The following VPS37A variants were observed in gnomAD, a reference collection of about 807,000 sequenced individuals.
The protein encoded by VPS37A is VPS37A subunit of ESCRT-I.
In VPS37A, 30 loss-of-function variants were observed where a neutral mutation model predicts 49.8. The ratio of observed to expected loss-of-function variants is 0.60; its 90% CI spans 0.45 to 0.82. VPS37A has a LOEUF of 0.82. Ranked by LOEUF, VPS37A falls within the 40% of genes least tolerant of loss-of-function variation. The pLI is 0.00. For missense variants in VPS37A, 593 were observed against 464.4 expected (o/e 1.28, Z -2.55); for synonymous variants, 195 against 160.6 (o/e 1.21, Z -1.62).
chr8:17,318,966 C>A, the VPS37A span, among the ~76,000 whole-genome samples: 1 of 152,236 alleles, frequency 6.6e-6, no homozygotes, highest in Admixed American at 6.5e-5. Flanking sequence ...CTTCCCTGAT[C>A]GAACTCACCG....
At chr8:17,279,098 C>G (rs190024162) in intron 6 of VPS37A, among the ~76,000 whole-genome samples, 1 of 152,186 alleles carries the variant, frequency 6.6e-6, no homozygotes, top group African/African-American at 2.4e-5. Context: ...ATATCTATAA[C>G]TCTTACTGTG....
At chr8:17,289,210 A>G (rs1459148304) in intron 11 of VPS37A, among the ~76,000 whole-genome samples, 1 of 152,126 alleles carries the variant, frequency 6.6e-6, no homozygotes, top group Non-Finnish European at 1.5e-5. Context: ...TAGTTTTATT[A>G]GATCTCATTT....
chr8:17,284,989 C>G (rs1046414727), intron 10 of VPS37A, among the ~76,000 whole-genome samples: 2 of 152,064 alleles, frequency 1.3e-5, no homozygotes, highest in African/African-American at 4.8e-5. Flanking sequence ...GAGGAACAGT[C>G]CTGGTCAGAA....
At chr8:17,304,315 A>G (rs1817310736), downstream of VPS37A, 1 of 1,566,508 alleles carries the variant, frequency 6.4e-7, no homozygotes, top group East Asian at 2.3e-5. Flanking sequence ...TGACCTCTGA[A>G]TGTTAAACGG....
chr8:17,247,095 G>A lies in VPS37A; in HGVS notation c.-150G>A. On this transcript the variant is annotated 5_prime_UTR_variant, in exon 1 of 12. Coordinates refer to ENST00000324849, the MANE Select transcript of VPS37A (RefSeq NM_152415.3). ...GTCCCCCAGAACTCGGGGAGCGCAG[G>A]CAGGACAGGCTTAGAGAAGACGCGG... The A allele has an allele frequency of 5.9e-6, 6 of 1,012,548 alleles. No individual in the cohort carries two copies. The highest frequency in any genetic ancestry group is 8.5e-6 in the Non-Finnish European group (6 of 703,294). The allele number at this position is 1,012,548 out of a possible 1,614,324, so 62.7% of individuals were successfully genotyped here. A position where few individuals can be genotyped will look rare whatever the true frequency, so the allele number is the denominator to read the frequency against.
At chr8:17,324,723 C>T in the VPS37A span, among the ~76,000 whole-genome samples, 7 of 152,174 alleles carry the variant, frequency 4.6e-5, no homozygotes, top group East Asian at 1.9e-4. Flanking sequence ...CCATGTAGAG[C>T]GACCTATTTC....
At chr8:17,287,498 C>T (rs1187272723) in intron 11 of VPS37A, among the ~76,000 whole-genome samples, 3 of 151,996 alleles carry the variant, frequency 2.0e-5, no homozygotes, top group Non-Finnish European at 4.4e-5. Context: ...CACAGTGAAA[C>T]CCCGTCTCTA....
At chr8:17,265,336 T>A (rs1175725535) in intron 1 of VPS37A, among the ~76,000 whole-genome samples, 4 of 152,220 alleles carry the variant, frequency 2.6e-5, no homozygotes, top group Non-Finnish European at 5.9e-5. Flanking sequence ...GGGATTTAAG[T>A]CTATAGCAAC....
chr8:17,325,576 G>A, the VPS37A span, among the ~76,000 whole-genome samples: 2 of 152,170 alleles, frequency 1.3e-5, no homozygotes, highest in Non-Finnish European at 1.5e-5. Flanking sequence ...TCGCCCACAT[G>A]CCTGAGCTGA....
chr8:17,326,460 T>C, the VPS37A span: 2 of 152,220 alleles, frequency 1.3e-5, no homozygotes, highest in South Asian at 2.1e-4. Flanking sequence ...ATGATCCTTG[T>C]GGTCACAAGC....
At chr8:17,270,034 A>C (rs1281740826) in intron 4 of VPS37A, among the ~76,000 whole-genome samples, 1 of 152,142 alleles carries the variant, frequency 6.6e-6, no homozygotes, top group Non-Finnish European at 1.5e-5. Flanking sequence ...GATGAGAGCA[A>C]GAGTGAGGAG....
At chr8:17,259,300 T>G (rs1203587918) in intron 1 of VPS37A, among the ~76,000 whole-genome samples, 1 of 152,140 alleles carries the variant, frequency 6.6e-6, no homozygotes, top group Non-Finnish European at 1.5e-5. Context: ...TTGAAGACTT[T>G]TTAAAATTTA....
the VPS37A span, among the ~76,000 whole-genome samples, chr8:17,308,372 A>G: frequency 6.6e-6 from 1 of 152,166 alleles, no homozygotes; most frequent in Non-Finnish European, 1.5e-5. Context: ...GGGGGCTTTA[A>G]TTTTCTCATT....
chr8:17,297,603 A>G lies in VPS37A; in HGVS notation c.*2617A>G, dbSNP rs1324493353. On this transcript the variant is annotated 3_prime_UTR_variant, in exon 12 of 12. Transcript: ENST00000324849. The stretch of plus-strand genomic sequence containing the variant: ...AAAAAATAAATTACTTGCATTCTAT[A>G]TATTACTAATTGGGAAGTAATATGC... 6.6e-6 allele frequency: 1 copy of G among 152,068 alleles called. No homozygotes were observed. The highest frequency in any genetic ancestry group is 1.5e-5 in the Non-Finnish European group (1 of 67,948). 9.4% of individuals were successfully genotyped at this position (152,068 alleles called of 1,614,324 possible).
At chr8:17,304,889 A>G (rs1207525506), downstream of VPS37A, among the ~76,000 whole-genome samples, 1 of 152,076 alleles carries the variant, frequency 6.6e-6, no homozygotes, top group Non-Finnish European at 1.5e-5. Flanking sequence ...AGTTGCTGTG[A>G]GCTCTGTCTA....
chr8:17,316,838 T>G, the VPS37A span, among the ~76,000 whole-genome samples: 1 of 151,914 alleles, frequency 6.6e-6, no homozygotes, highest in East Asian at 1.9e-4. Context: ...GACTTCTGCG[T>G]GTGTGGATTT....
At chr8:17,286,247 A>G in intron 10 of VPS37A, 100 bp from the exon 11 acceptor site, 1 of 890,828 alleles carries the variant, frequency 1.1e-6, no homozygotes, top group Non-Finnish European at 1.7e-6. Flanking sequence ...AACATAAAAT[A>G]ATGCCAACAA....
intron 11 of VPS37A, among the ~76,000 whole-genome samples, chr8:17,292,218 G>A (rs1303599263): frequency 2.0e-5 from 3 of 152,142 alleles, no homozygotes; most frequent in African/African-American, 7.2e-5. Flanking sequence ...TTACCATTAT[G>A]TAATGCCCTT....
chr8:17,255,476 C>A (rs7828878), intron 1 of VPS37A, among the ~76,000 whole-genome samples: 1 of 149,214 alleles, frequency 6.7e-6, no homozygotes. Flanking sequence ...AGTGAGACTT[C>A]GTCTTAAATA....
Sources: allele counts gnomAD v4.1 joint callset (sites outside exome capture counted in the v4.1 genomes callset), GRCh38; gene constraint gnomAD v4.1.1; transcripts MANE v1.5; gene names NCBI Gene and HGNC (gene_info 2026-07-23, HGNC 2026-07-21).